Variants in ZNF276 observed in about 807,000 individuals in gnomAD.
ZNF276 encodes the protein centromere protein Z.
A neutral mutation model predicts 63.9 loss-of-function variants in ZNF276; 59 were observed. The observed-to-expected ratio is 0.92, with a 90% CI of 0.75 to 1.15. ZNF276 has a LOEUF of 1.15. Ranked by LOEUF, ZNF276 falls within the 50% of genes most tolerant of loss-of-function variation. The pLI, the probability that ZNF276 is intolerant of heterozygous loss-of-function variation, is 0.00. For synonymous variants in ZNF276, 496 were observed against 348.4 expected (o/e 1.42, Z -4.72); for missense variants, 1,084 against 843.8 (o/e 1.28, Z -3.53).
Position 89,740,220 on chromosome 16 carries a change from G to C in ZNF276, c.*1974G>C, listed in dbSNP as rs1019518104. On this transcript the variant is annotated 3_prime_UTR_variant, in exon 11 of 11. Transcript: ENST00000443381. ...TTTGCTTATTGTAAGTCTTAAAACT[G>C]GTGACAGTTTTACCTATAGAAGGTA... The C allele has an allele frequency of 1.2e-6, 1 of 868,264 alleles. No homozygotes were observed. The highest frequency in any genetic ancestry group is 1.6e-5 in the African/African-American group (1 of 60,804). 53.8% of individuals were successfully genotyped at this position (868,264 alleles called of 1,614,324 possible). A position where few individuals can be genotyped will look rare whatever the true frequency, so the allele number is the denominator to read the frequency against.
In ZNF276 at chr16:89,733,284, G is replaced by T. The variant is rs780166209; in HGVS notation, c.1170-18G>T. The T allele has an allele frequency of 6.2e-7, 1 of 1,604,822 alleles. No individual in the cohort carries two copies. Among genetic ancestry groups the T allele is most frequent in the Non-Finnish European group, 8.5e-7 (1 of 1,174,564 alleles). On this transcript the variant is annotated intron_variant, in intron 6 of 10. Coordinates refer to ENST00000443381, the MANE Select transcript of ZNF276 (RefSeq NM_001113525.2). ...TGGAGATCAGAAACCATTGAATTTG[G>T]GAACCTCTTTTTTTCAGAGTCTCTG...
intron 4 of ZNF276, among the ~76,000 whole-genome samples, chr16:89,724,613 C>G (rs1199231675): frequency 6.6e-6 from 1 of 152,192 alleles, no homozygotes; most frequent in Non-Finnish European, 1.5e-5. Flanking sequence ...CACAACCGTA[C>G]TCCAGCCTGG....
intron 4 of ZNF276, among the ~76,000 whole-genome samples, chr16:89,726,137 TC>T (rs1317734459): frequency 4.6e-5 from 7 of 152,312 alleles, no homozygotes; most frequent in Admixed American, 4.6e-4. Flanking sequence ...TGTCTCAGCC[TC>T]CCGAGTAGCT....
rs1209384219 is a variant in ZNF276 at position 89,739,172 on chromosome 16, A to G, written c.*926A>G. The G allele has an allele frequency of 1.2e-6, 2 of 1,614,128 alleles. No individual in the cohort carries two copies. The highest frequency in any genetic ancestry group is 4.5e-5 in the East Asian group (2 of 44,884). On this transcript the variant is annotated 3_prime_UTR_variant, in exon 11 of 11. Transcript: ENST00000443381. The stretch of plus-strand genomic sequence containing the variant: ...CCAGGCTCCTGCCAGCTGGAGGTGA[A>G]ACTGTGCTTGTATCCCCAGCCACGA...
chr16:89,733,793 G>T, intron 8 of ZNF276, 128 bp from the exon 9 acceptor site: 1 of 930,524 alleles, frequency 1.1e-6, no homozygotes, highest in Non-Finnish European at 1.7e-6. Context: ...AGCTGTGAAG[G>T]AGCCAGTGGT....
chr16:89,724,216 G>A (rs1245585391), intron 4 of ZNF276, among the ~76,000 whole-genome samples: 3 of 152,234 alleles, frequency 2.0e-5, no homozygotes, highest in African/African-American at 7.2e-5. Context: ...TTGGGCCCCA[G>A]AACCCATAGC....
intron 6 of ZNF276, among the ~76,000 whole-genome samples, chr16:89,730,315 C>G (rs897654507): frequency 2.0e-5 from 3 of 152,160 alleles, no homozygotes; most frequent in Admixed American, 1.3e-4. Context: ...CCGCCTGAGG[C>G]TGCTGTACGG....
In ZNF276 at chr16:89,721,860, C is replaced by T. The variant is rs953871755; in HGVS notation, c.205+15C>T. On this transcript the variant is annotated intron_variant, in intron 1 of 10. Coordinates refer to ENST00000443381, the MANE Select transcript of ZNF276 (RefSeq NM_001113525.2). Reference sequence around the variant, plus strand: ...GGACGAGGCAGGTGGGTCCGCGGCCCGGGCGTGGCGGGTTGGGGTCGCGGC... The same window carrying T: ...GGACGAGGCAGGTGGGTCCGCGGCCTGGGCGTGGCGGGTTGGGGTCGCGGC... 3.3e-6 allele frequency: 4 copies of T among 1,201,328 alleles called. No homozygotes were observed. Among genetic ancestry groups the T allele is most frequent in the Non-Finnish European group, 4.1e-6 (4 of 968,126 alleles). 74.4% of individuals were successfully genotyped at this position (1,201,328 alleles called of 1,614,324 possible).
upstream of ZNF276, chr16:89,720,806 A>G: frequency 6.8e-7 from 1 of 1,460,596 alleles, no homozygotes; most frequent in Non-Finnish European, 9.1e-7. Flanking sequence ...CCCGTTGGCA[A>G]GCTTCATGGC....
At position 89,739,228 on chromosome 16, in the gene ZNF276, C is replaced by G; in HGVS notation, c.*982C>G. On this transcript the variant is annotated 3_prime_UTR_variant, in exon 11 of 11. Transcript: ENST00000443381. Reference sequence around the variant, plus strand: ...TGGACCAGCTTCAAGTACATGTCCACAGCAACATGCAGGAAGGCCTCTTCC... The same window carrying G: ...TGGACCAGCTTCAAGTACATGTCCAGAGCAACATGCAGGAAGGCCTCTTCC... 6.2e-7 allele frequency: 1 copy of G among 1,614,180 alleles called. No homozygotes were observed. The highest frequency in any genetic ancestry group is 8.5e-7 in the Non-Finnish European group (1 of 1,180,038).
rs1026639470 is a variant in ZNF276 at position 89,740,361 on chromosome 16, C to T, written c.*2115C>T. On this transcript the variant is annotated 3_prime_UTR_variant, in exon 11 of 11. Transcript: ENST00000443381. ...GACATTAAAAGAAAGGCCCACAGGCCGGATGCAGTGGCTCATGCCTGTAAT... is the reference window on the plus strand; with the variant it reads ...GACATTAAAAGAAAGGCCCACAGGCTGGATGCAGTGGCTCATGCCTGTAAT... 21 of 525,790 alleles carry T rather than the reference C, an allele frequency of 4.0e-5. No homozygotes were observed. The highest frequency in any genetic ancestry group is 1.7e-4 in the East Asian group (5 of 30,158). The allele number at this position is 525,790 out of a possible 1,614,324, so 32.6% of individuals were successfully genotyped here.
Position 89,735,478 on chromosome 16 carries a change from T to C in ZNF276, c.1474+1440T>C, listed in dbSNP as rs74033847. On this transcript the variant is annotated intron_variant, in intron 9 of 10. Transcript: ENST00000443381. ...GACATGCGGGTTGTTATTTTTTGGG[T>C]TCTCCGACATCTCTCCTGATGGCAG... is the stretch of plus-strand genomic sequence containing the variant. Among the ~76,000 whole-genome samples the C allele has an allele frequency of 5.1e-3, 771 of 150,308 alleles. 6 individuals are homozygous for C. Among genetic ancestry groups the C allele is most frequent in the African/African-American group, 0.019 (751 of 40,384 alleles).
intron 6 of ZNF276, 147 bp downstream of exon 6, chr16:89,729,465 T>G: frequency 1.4e-6 from 1 of 696,890 alleles, no homozygotes; most frequent in Non-Finnish European, 2.4e-6. Flanking sequence ...CTTCCCTCAG[T>G]GAGCGGGAGG....
At chr16:89,732,950 C>G (rs1177097756) in intron 6 of ZNF276, 2 of 348,600 alleles carry the variant, frequency 5.7e-6, no homozygotes, top group Non-Finnish European at 1.1e-5. Context: ...CGCCCTCATC[C>G]TCTGCTGTGC....
chr16:89,727,536 C>A (rs931390755), intron 5 of ZNF276, among the ~76,000 whole-genome samples, 179 bp downstream of exon 5: 4 of 152,166 alleles, frequency 2.6e-5, no homozygotes, highest in African/African-American at 9.7e-5. Context: ...ATCACAGGGG[C>A]CGGCTGTCCG....
At position 89,739,828 on chromosome 16, in the gene ZNF276, T is replaced by G; in HGVS notation, c.*1582T>G. ...GGGGTTGACCAGTGAGCCAGTAAAT[T>G]ATCTTATTGCTTTAAACAAGTTTGT... is the stretch of plus-strand genomic sequence containing the variant. On this transcript the variant is annotated 3_prime_UTR_variant, in exon 11 of 11. Transcript: ENST00000443381. 6.8e-7 allele frequency: 1 copy of G among 1,477,950 alleles called. No homozygotes were observed. Among genetic ancestry groups the G allele is most frequent in the East Asian group, 2.4e-5 (1 of 42,134 alleles). 91.6% of individuals were successfully genotyped at this position (1,477,950 alleles called of 1,614,324 possible).
rs370560353 is a variant in ZNF276, at chr16:89,734,870, C to CA, written c.1474+835dup. On this transcript the variant is annotated intron_variant, in intron 9 of 10. Coordinates refer to ENST00000443381, the MANE Select transcript of ZNF276 (RefSeq NM_001113525.2). ...CAACAAGGATATGTTTTCAAAATGA[C>CA]AAACTTGGCCGGGCGTGGTGGCTCA... Among the ~76,000 whole-genome samples the CA allele has an allele frequency of 1.6e-3, 238 of 152,252 alleles. 1 individual carries two copies. Among genetic ancestry groups the CA allele is most frequent in the African/African-American group, 5.1e-3 (210 of 41,548 alleles).
rs1341329286 is a variant in ZNF276, at chr16:89,740,535, C to T, written c.*2289C>T. On this transcript the variant is annotated 3_prime_UTR_variant, in exon 11 of 11. Transcript: ENST00000443381. ...CCTGTAATCCCAGCTACTCGGGAGG[C>T]TGATGCAGGAGAATTGCTTGAACCC... is the stretch of plus-strand genomic sequence containing the variant. 1.9e-6 allele frequency: 1 copy of T among 514,738 alleles called. No individual in the cohort carries two copies. The highest frequency in any genetic ancestry group is 2.2e-5 in the South Asian group (1 of 44,602). 31.9% of individuals were successfully genotyped at this position (514,738 alleles called of 1,614,324 possible). A position where few individuals can be genotyped will look rare whatever the true frequency, so the allele number is the denominator to read the frequency against.
intron 9 of ZNF276, 167 bp from the exon 10 acceptor site, chr16:89,737,632 CAGTTTAA>C: frequency 8.0e-7 from 1 of 1,251,734 alleles, no homozygotes; most frequent in Non-Finnish European, 1.1e-6. Context: ...GTGTATAAAG[CAGTTTAA>C]AGATCTTAAT....
Sources: gnomAD v4.1 joint callset for allele counts (sites outside exome capture counted in the v4.1 genomes callset) on GRCh38, gnomAD v4.1.1 for gene constraint, MANE v1.5 for transcripts, NCBI Gene and HGNC (gene_info 2026-07-23, HGNC 2026-07-21) for gene names.